Variants in ARHGEF28 observed in about 807,000 individuals in gnomAD.
ARHGEF28 encodes 190 kDa guanine nucleotide exchange factor.
Under a neutral mutation model 206.6 loss-of-function variants are expected in ARHGEF28, and 152 were observed. The observed-to-expected ratio is 0.74, with a 90% CI of 0.64 to 0.84. The LOEUF (loss-of-function observed/expected upper bound fraction) is 0.84. ARHGEF28 is among the 40% of genes least tolerant of loss of function. ARHGEF28 has a pLI of 0.00. For missense variants in ARHGEF28, 2,028 were observed against 2,073.2 expected (o/e 0.98, Z 0.42); for synonymous variants, 763 against 776.4 (o/e 0.98, Z 0.29).
In ARHGEF28 at chr5:73,940,988, C is replaced by A; in HGVS notation, c.5093C>A (p.Ala1698Asp). The change falls in exon 36 of 36, where the codon GCC becomes GAC. Residue 1698 changes from alanine (A) to aspartate (D), a missense_variant. By Grantham distance (126) the Ala-to-Asp change is moderately radical. Transcript: ENST00000513042. Reference sequence around the variant, plus strand: ...CAAGATGGGGAAACTGGAGATGGAGCCAAAGAAAATATTGTTTACCTCTAA... The same window carrying A: ...CAAGATGGGGAAACTGGAGATGGAGACAAAGAAAATATTGTTTACCTCTAA... ...TRQDGETGDG[A>D]KENIVYL The A allele has an allele frequency of 6.6e-7, 1 of 1,520,362 alleles. No individual in the cohort carries two copies. 94.2% of individuals were successfully genotyped at this position (1,520,362 alleles called of 1,614,324 possible). A position where few individuals can be genotyped will look rare whatever the true frequency, so the allele number is the denominator to read the frequency against.
At chr5:73,730,109 A>G (rs1750519031) in intron 2 of ARHGEF28, among the ~76,000 whole-genome samples, 1 of 152,250 alleles carries the variant, frequency 6.6e-6, no homozygotes, top group African/African-American at 2.4e-5. Context: ...AATGTAAAGC[A>G]TTAACATGCA....
intron 7 of ARHGEF28, among the ~76,000 whole-genome samples, chr5:73,788,190 T>C (rs1455254948): frequency 1.3e-5 from 2 of 152,222 alleles, no homozygotes; most frequent in South Asian, 2.1e-4. Flanking sequence ...CTTGAAAATA[T>C]AGCTAAAGGT....
chr5:73,855,654 C>T (rs1445584267), intron 14 of ARHGEF28, among the ~76,000 whole-genome samples: 1 of 151,878 alleles, frequency 6.6e-6, no homozygotes, highest in East Asian at 1.9e-4. Flanking sequence ...ATCACTTGAA[C>T]CTGGGAGCCT....
At chr5:73,651,251 G>C (rs2652116) in intron 1 of ARHGEF28, among the ~76,000 whole-genome samples, 107,783 of 151,664 alleles carry the variant, frequency 0.71, 38,501 homozygotes, top group East Asian at 0.83. Context: ...TTACCAGCTC[G>C]ACTGTGTTTT....
intron 26 of ARHGEF28, among the ~76,000 whole-genome samples, chr5:73,888,816 A>G (rs1337683931): frequency 6.6e-6 from 1 of 151,998 alleles, no homozygotes; most frequent in Non-Finnish European, 1.5e-5. Flanking sequence ...GACAACATTT[A>G]CCATTAAGTG....
intron 33 of ARHGEF28, among the ~76,000 whole-genome samples, chr5:73,905,569 G>C (rs1762506082): frequency 6.6e-6 from 1 of 152,206 alleles, no homozygotes; most frequent in East Asian, 1.9e-4. Flanking sequence ...GGTGTATAAG[G>C]CTCCAGATTT....
intron 4 of ARHGEF28, among the ~76,000 whole-genome samples, chr5:73,768,459 A>G (rs1004766733): frequency 6.6e-6 from 1 of 152,188 alleles, no homozygotes; most frequent in Non-Finnish European, 1.5e-5. Flanking sequence ...GATATGAGAC[A>G]TGGAGTCAAA....
chr5:73,873,395 C>T, intron 22 of ARHGEF28, 149 bp downstream of exon 22: 1 of 1,106,748 alleles, frequency 9.0e-7, no homozygotes, highest in South Asian at 1.7e-5. Flanking sequence ...TAGATTGTAA[C>T]TCCCAGTAAG....
In ARHGEF28 at chr5:73,774,048, G is replaced by C; in HGVS notation, c.659+10G>C. On this transcript the variant is annotated intron_variant, in intron 5 of 35. Coordinates refer to ENST00000513042, the MANE Select transcript of ARHGEF28 (RefSeq NM_001177693.2). ...TGGAAGACGTCACAAAGTGAGTTTA[G>C]CTACTTGATAGTCTCTCTCTTATTT... The C allele has an allele frequency of 6.4e-7, 1 of 1,572,126 alleles. No individual in the cohort carries two copies. Among genetic ancestry groups the C allele is most frequent in the Non-Finnish European group, 8.6e-7 (1 of 1,157,762 alleles).
intron 9 of ARHGEF28, among the ~76,000 whole-genome samples, chr5:73,827,436 T>G (rs1756982650): frequency 6.6e-6 from 1 of 152,204 alleles, no homozygotes; most frequent in South Asian, 2.1e-4. Context: ...ATTTATAGGG[T>G]GCTTACTATG....
In ARHGEF28 at chr5:73,894,525, C is replaced by A. The variant is rs1761844778; in HGVS notation, c.3791C>A (p.Pro1264Gln). 2 of 1,613,796 alleles carry A rather than the reference C, an allele frequency of 1.2e-6. No homozygotes were observed. Among genetic ancestry groups the A allele is most frequent in the South Asian group, 2.2e-5 (2 of 91,072 alleles). The change falls in exon 29 of 36, where the codon CCA becomes CAA. Residue 1264 changes from proline (P) to glutamine (Q), a missense_variant. Pro to Gln is a moderately conservative substitution (Grantham distance 76). This residue lies in a region of ARHGEF28 where 803 missense variants were observed against 768.0 expected (regional missense o/e 1.05). Coordinates refer to ENST00000513042, the MANE Select transcript of ARHGEF28 (RefSeq NM_001177693.2). ...LEPHLLIKPD[P>Q]GEPPQAASLL... ...CCCCACCTCCTTATTAAACCTGACCCAGGCGAGCCTCCCCAGGCAGCCTCA... is the reference window on the plus strand; with the variant it reads ...CCCCACCTCCTTATTAAACCTGACCAAGGCGAGCCTCCCCAGGCAGCCTCA...
At chr5:73,647,336 C>A (rs1308265992) in intron 1 of ARHGEF28, among the ~76,000 whole-genome samples, 21 of 151,964 alleles carry the variant, frequency 1.4e-4, no homozygotes, top group Non-Finnish European at 2.6e-4. Context: ...GAAAATATTC[C>A]AAAAATCTGA....
chr5:73,919,266 A>G (rs1763387685), intron 35 of ARHGEF28, among the ~76,000 whole-genome samples: 1 of 152,202 alleles, frequency 6.6e-6, no homozygotes, highest in South Asian at 2.1e-4. Context: ...ATATAAAATA[A>G]TTAGCTGTAA....
chr5:73,787,385 C>A (rs917577625), intron 7 of ARHGEF28, among the ~76,000 whole-genome samples: 1 of 152,140 alleles, frequency 6.6e-6, no homozygotes, highest in Non-Finnish European at 1.5e-5. Context: ...CTGTTGCTTT[C>A]ATTTAGTATT....
chr5:73,685,549 C>A (rs999011060), intron 2 of ARHGEF28, among the ~76,000 whole-genome samples: 2 of 151,918 alleles, frequency 1.3e-5, no homozygotes, highest in Non-Finnish European at 2.9e-5. Flanking sequence ...GGCAGGTGGG[C>A]CTGGGTGTGT....
intron 7 of ARHGEF28, among the ~76,000 whole-genome samples, chr5:73,784,783 A>G (rs1449150190): frequency 1.3e-5 from 2 of 152,206 alleles, no homozygotes; most frequent in Non-Finnish European, 2.9e-5. Flanking sequence ...TAAATTAGGC[A>G]TAGTAAAGGT....
At chr5:73,888,754 C>A (rs1761451513) in intron 26 of ARHGEF28, among the ~76,000 whole-genome samples, 2 of 152,112 alleles carry the variant, frequency 1.3e-5, no homozygotes, top group Non-Finnish European at 2.9e-5. Context: ...AAATATGATT[C>A]TTTCCCTCTT....
chr5:73,895,317 G>A (rs1030885596), intron 29 of ARHGEF28, among the ~76,000 whole-genome samples: 3 of 152,164 alleles, frequency 2.0e-5, no homozygotes, highest in Non-Finnish European at 4.4e-5. Flanking sequence ...GGCCAGGGTG[G>A]TGGAAGGACT....
intron 22 of ARHGEF28, among the ~76,000 whole-genome samples, chr5:73,878,758 T>C (rs1286306320): frequency 1.3e-5 from 2 of 150,972 alleles, no homozygotes; most frequent in African/African-American, 4.9e-5. Context: ...TGGCCCCCAG[T>C]CTCTTCTGGC....
Sources: allele counts gnomAD v4.1 joint callset (sites outside exome capture counted in the v4.1 genomes callset), GRCh38; gene constraint gnomAD v4.1.1; regional missense constraint gnomAD v4.1.1; transcripts MANE v1.5; gene names NCBI Gene and HGNC (gene_info 2026-07-23, HGNC 2026-07-21).